DCDC2C: variants seen among roughly 807,000 people sequenced by gnomAD.
DCDC2C encodes the protein doublecortin domain containing 2C.
DCDC2C carries 44 observed loss-of-function variants against 45.0 expected under a neutral mutation model. The ratio of observed to expected loss-of-function variants is 0.98; its 90% CI spans 0.77 to 1.26. The LOEUF is 1.26. Among genes scored for constraint, DCDC2C ranks in the 50% most tolerant of loss-of-function variants. DCDC2C has a pLI of 0.00. For synonymous variants in DCDC2C, 187 were observed against 178.8 expected, an observed-to-expected ratio of 1.05 and a Z score of -0.37; for missense variants, 447 against 468.9, an observed-to-expected ratio of 0.95 and a Z score of 0.43.
intron 2 of DCDC2C, among the ~76,000 whole-genome samples, chr2:3,718,827 G>A (rs1323137659): frequency 1.3e-5 from 2 of 152,144 alleles, no homozygotes; most frequent in African/African-American, 4.8e-5. Flanking sequence ...AAGGTGGCAC[G>A]GACCCAAAGA....
At chr2:3,844,131 T>TAGA (rs1672273530) in intron 10 of DCDC2C, 1 of 151,728 alleles carries the variant, frequency 6.6e-6, no homozygotes, top group Non-Finnish European at 1.5e-5. Flanking sequence ...GAAACCCCAG[T>TAGA]AGAAATAGAA....
chr2:3,708,292 G>A (rs1362409165), intron 1 of DCDC2C, among the ~76,000 whole-genome samples: 1 of 152,122 alleles, frequency 6.6e-6, no homozygotes, highest in East Asian at 1.9e-4. Context: ...ATAAAATTAC[G>A]TGAGGGAAAG....
intron 3 of DCDC2C, among the ~76,000 whole-genome samples, chr2:3,728,307 A>G (rs1050493941): frequency 1.3e-5 from 2 of 152,232 alleles, no homozygotes; most frequent in Middle Eastern, 3.2e-3. Context: ...AGCTTCCACA[A>G]GGGGGCCACC....
chr2:3,801,643 TG>T (rs1313592685), intron 10 of DCDC2C, among the ~76,000 whole-genome samples: 1 of 152,272 alleles, frequency 6.6e-6, no homozygotes, highest in Non-Finnish European at 1.5e-5. Context: ...AGTCTTGGCC[TG>T]GGTGGCCCCT....
chr2:3,781,607 C>T (rs985473179), intron 9 of DCDC2C, among the ~76,000 whole-genome samples: 1 of 152,192 alleles, frequency 6.6e-6, no homozygotes, highest in Non-Finnish European at 1.5e-5. Context: ...TGCCTGTAAT[C>T]CTGGCAATTT....
At chr2:3,725,696 C>CAGAGGAAGACGAGCAG (rs1668645379) in intron 2 of DCDC2C, among the ~76,000 whole-genome samples, 1 of 149,224 alleles carries the variant, frequency 6.7e-6, no homozygotes, top group Non-Finnish European at 1.5e-5. Flanking sequence ...AGGTGGATCC[C>CAGAGGAAGACGAGCAG]AGAGGGAGAT....
Position 3,752,919 on chromosome 2 carries a change from T to G in DCDC2C, c.683+19T>G. The stretch of plus-strand genomic sequence containing the variant: ...TCCAACAGTGAGCATGCTTCGTACC[T>G]TTCTTTCCTGAGTTTTGGAAAAAAA... On this transcript the variant is annotated intron_variant, in intron 5 of 10. Coordinates refer to ENST00000399143, the MANE Select transcript of DCDC2C (RefSeq NM_001287444.2). The G allele has an allele frequency of 6.5e-7, 1 of 1,543,882 alleles. No individual in the cohort carries two copies. The highest frequency in any genetic ancestry group is 1.2e-5 in the South Asian group (1 of 83,282).
chr2:3,751,190 C>T (rs1182132549), intron 4 of DCDC2C, among the ~76,000 whole-genome samples: 1 of 152,206 alleles, frequency 6.6e-6, no homozygotes, highest in Non-Finnish European at 1.5e-5. Flanking sequence ...GTTTGGCCCC[C>T]GGGAGCAGTT....
At chr2:3,782,811 C>T (rs1489839802) in intron 9 of DCDC2C, among the ~76,000 whole-genome samples, 1 of 152,184 alleles carries the variant, frequency 6.6e-6, no homozygotes, top group East Asian at 1.9e-4. Flanking sequence ...TTTGTTTGGA[C>T]TCATTGGTTC....
intron 10 of DCDC2C, among the ~76,000 whole-genome samples, chr2:3,808,955 T>A (rs992026934): frequency 4.6e-5 from 7 of 152,326 alleles, no homozygotes; most frequent in East Asian, 3.8e-4. Flanking sequence ...GATTTTTTTT[T>A]AAATTTTGCA....
At chr2:3,737,606 TCTCCATGTGGC>T (rs1669068435) in intron 3 of DCDC2C, among the ~76,000 whole-genome samples, 1 of 152,120 alleles carries the variant, frequency 6.6e-6, no homozygotes, top group African/African-American at 2.4e-5. Flanking sequence ...GGTGGTTGGT[TCTCCATGTGGC>T]CTCCATGTGG....
chr2:3,723,905 G>A (rs371227168), intron 2 of DCDC2C, among the ~76,000 whole-genome samples: 3 of 152,048 alleles, frequency 2.0e-5, no homozygotes, highest in East Asian at 3.9e-4. Context: ...AATTCTATTT[G>A]AGCCATAACA....
chr2:3,784,794 G>A (rs1049001737), intron 9 of DCDC2C, among the ~76,000 whole-genome samples: 9 of 152,046 alleles, frequency 5.9e-5, no homozygotes, highest in Non-Finnish European at 1.2e-4. Context: ...TATGACATGC[G>A]CCTTTTGCAT....
intron 7 of DCDC2C, 37 bp from the exon 8 acceptor site, chr2:3,769,274 T>C (rs948894800): frequency 3.3e-6 from 5 of 1,535,406 alleles, no homozygotes; most frequent in East Asian, 2.5e-5. Context: ...AGCTTCTCCA[T>C]GGGTTTCAAA....
In DCDC2C at chr2:3,703,840, G is replaced by C. The variant is rs1293521358; in HGVS notation, c.89G>C (p.Gly30Ala). Residue 30 changes from glycine (G) to alanine (A), a missense_variant, in exon 1 of 11, where the codon GGC (glycine) becomes GCC (alanine). Gly to Ala is a moderately conservative substitution (Grantham distance 60, BLOSUM62 0). Coordinates refer to ENST00000399143, the MANE Select transcript of DCDC2C (RefSeq NM_001287444.2). The surrounding 1 kb of genome is among the most constrained non-coding windows in gnomAD (Gnocchi z 4.4). ...VYRNGDPFYV[G>A]KKFVLSRRRA... ...CGCAACGGGGACCCGTTCTACGTGG[G>C]CAAGAAGTTCGTGCTGTCGCGGCGC... is the stretch of plus-strand genomic sequence containing the variant. The C allele has an allele frequency of 7.8e-7, 1 of 1,277,592 alleles. No homozygotes were observed. The highest frequency in any genetic ancestry group is 9.9e-7 in the Non-Finnish European group (1 of 1,007,626). The allele number at this position is 1,277,592 out of a possible 1,614,324, so 79.1% of individuals were successfully genotyped here. A position where few individuals can be genotyped will look rare whatever the true frequency, so the allele number is the denominator to read the frequency against.
intron 10 of DCDC2C, among the ~76,000 whole-genome samples, chr2:3,813,732 CTTTTT>C (rs3067128): frequency 2.0e-5 from 2 of 99,158 alleles, no homozygotes; most frequent in African/African-American, 4.2e-5. Context: ...GCAACCCCTG[CTTTTT>C]TTTTTTTTTT....
intron 10 of DCDC2C, among the ~76,000 whole-genome samples, chr2:3,796,214 A>AT (rs1395212634): frequency 9.4e-6 from 1 of 105,822 alleles, no homozygotes; most frequent in Non-Finnish European, 1.9e-5. Context: ...TTGTACATTG[A>AT]TTTTGTATCC....
chr2:3,825,690 G>T (rs1292015713), intron 10 of DCDC2C, among the ~76,000 whole-genome samples: 1 of 152,124 alleles, frequency 6.6e-6, no homozygotes, highest in African/African-American at 2.4e-5. Flanking sequence ...GAGGCTGAAG[G>T]TTGACTAGCA....
At chr2:3,763,058 C>A (rs1669924040) in intron 6 of DCDC2C, among the ~76,000 whole-genome samples, 2 of 152,112 alleles carry the variant, frequency 1.3e-5, no homozygotes, top group African/African-American at 2.4e-5. Flanking sequence ...CTGTACACTG[C>A]CCACTGATTC....
Sources: allele counts gnomAD v4.1 joint callset (sites outside exome capture counted in the v4.1 genomes callset), GRCh38; gene constraint gnomAD v4.1.1; non-coding constraint Gnocchi (gnomAD v3.1); transcripts MANE v1.5; gene names NCBI Gene and HGNC (gene_info 2026-07-23, HGNC 2026-07-21).